The following ITGA9 variants were observed in gnomAD, a reference collection of about 807,000 sequenced individuals.
The protein encoded by ITGA9 is integrin alpha-9.
In ITGA9, 56 loss-of-function variants were observed where a neutral mutation model predicts 127.8. The observed-to-expected ratio is 0.44, with a 90% CI of 0.35 to 0.55. The LOEUF (loss-of-function observed/expected upper bound fraction) is 0.55, where lower values mean the gene tolerates loss of function less well. Among genes scored for constraint, ITGA9 ranks in the 20% least tolerant of loss-of-function variants. ITGA9 has a pLI of 0.00. For synonymous variants in ITGA9, 508 were observed against 514.5 expected, an observed-to-expected ratio of 0.99 and a Z score of 0.17; for missense variants, 1,196 against 1,347.1, an observed-to-expected ratio of 0.89 and a Z score of 1.76.
rs547574743 is a variant in ITGA9 at position 37,698,388 on chromosome 3, G to A, written c.2067+14373G>A. Among the ~76,000 whole-genome samples, 4 of 152,264 alleles carry A rather than the reference G, an allele frequency of 2.6e-5. No individual in the cohort carries two copies. The South Asian group carries it at 6.2e-4, about 24-fold the overall frequency. ...GGCTTTTGTTGCCATTGCTTTTGGTGTTTTAGACATGAAGTCCTTGCCTAT... is the reference window on the plus strand; with the variant it reads ...GGCTTTTGTTGCCATTGCTTTTGGTATTTTAGACATGAAGTCCTTGCCTAT... On this transcript the variant is annotated intron_variant, in intron 18 of 27. Coordinates refer to ENST00000264741, the MANE Select transcript of ITGA9 (RefSeq NM_002207.3).
At chr3:37,600,223 T>C (rs1039253796) in intron 15 of ITGA9, among the ~76,000 whole-genome samples, 16 of 152,326 alleles carry the variant, frequency 1.1e-4, no homozygotes, top group African/African-American at 3.1e-4. Flanking sequence ...GACTCTGTTC[T>C]AGGAGCCAGA....
intron 18 of ITGA9, among the ~76,000 whole-genome samples, chr3:37,719,301 A>G (rs1701166261): frequency 1.3e-5 from 2 of 152,146 alleles, no homozygotes; most frequent in Admixed American, 6.5e-5. Context: ...TGCCAACCCG[A>G]GGGAAGAGAT....
At chr3:37,523,443 C>A in intron 11 of ITGA9, 78 bp from the exon 12 acceptor site, 1 of 1,101,686 alleles carries the variant, frequency 9.1e-7, no homozygotes. Flanking sequence ...CCTAGGGAAG[C>A]TGGAATAAAG....
chr3:37,614,817 C>T (rs1403333438), intron 15 of ITGA9, among the ~76,000 whole-genome samples: 11 of 151,896 alleles, frequency 7.2e-5, no homozygotes, highest in Non-Finnish European at 1.0e-4. Flanking sequence ...ATTGATTTTG[C>T]ATCCTGAGAC....
At chr3:37,570,042 G>C (rs1699585471) in intron 15 of ITGA9, among the ~76,000 whole-genome samples, 1 of 152,264 alleles carries the variant, frequency 6.6e-6, no homozygotes, top group African/African-American at 2.4e-5. Context: ...TCACACAACT[G>C]TGAGAGCCCA....
intron 18 of ITGA9, among the ~76,000 whole-genome samples, chr3:37,705,360 T>C (rs7636734): frequency 0.58 from 87,490 of 152,034 alleles, 25,676 homozygotes; most frequent in African/African-American, 0.7. Flanking sequence ...AATCTTGTCA[T>C]AGGAGGATGG....
In ITGA9 at chr3:37,683,975, A is replaced by G. The variant is rs139900262; in HGVS notation, c.2027A>G (p.Asn676Ser). ...GCCTATGATGCCAACGTGTCCTTCAATGTTTCCCGGGAGCTCTTCTTCATC... is the reference window on the plus strand; with the variant it reads ...GCCTATGATGCCAACGTGTCCTTCAGTGTTTCCCGGGAGCTCTTCTTCATC... ...DDAYDANVSF[N>S]VSRELFFINM... The change falls in exon 18 of 28, where the codon AAT becomes AGT. Residue 676 changes from asparagine (N) to serine (S), a missense_variant. By Grantham distance (46) the Asn-to-Ser change is conservative. Coordinates refer to ENST00000264741, the MANE Select transcript of ITGA9 (RefSeq NM_002207.3). The G allele has an allele frequency of 8.2e-5, 133 of 1,613,982 alleles. No homozygotes were observed. Among genetic ancestry groups the G allele is most frequent in the African/African-American group, 4.9e-4 (37 of 75,012 alleles).
At chr3:37,513,736 C>T in intron 8 of ITGA9, 27 bp from the exon 9 acceptor site, 1 of 1,613,972 alleles carries the variant, frequency 6.2e-7, no homozygotes, top group Non-Finnish European at 8.5e-7. Flanking sequence ...ACACTGAATG[C>T]TTTGTTGCAA....
intron 18 of ITGA9, among the ~76,000 whole-genome samples, chr3:37,688,802 A>AGATG (rs946544604): frequency 1.9e-4 from 29 of 151,112 alleles, no homozygotes; most frequent in Non-Finnish European, 1.3e-4. Context: ...TCCACAGAAT[A>AGATG]GATGGATGGA....
At chr3:37,468,661 GGGAA>G (rs1415036305) in intron 1 of ITGA9, among the ~76,000 whole-genome samples, 6 of 152,198 alleles carry the variant, frequency 3.9e-5, no homozygotes, top group African/African-American at 1.4e-4. Flanking sequence ...TCAGGGCAGA[GGGAA>G]GGGAGCCTGG....
intron 5 of ITGA9, among the ~76,000 whole-genome samples, chr3:37,501,319 G>A (rs573970170): frequency 3.3e-5 from 5 of 152,182 alleles, no homozygotes; most frequent in Admixed American, 6.5e-5. Context: ...TGGGAGCTTC[G>A]TCTTAATGCT....
chr3:37,662,237 A>T (rs1700543153), intron 17 of ITGA9, among the ~76,000 whole-genome samples: 1 of 152,046 alleles, frequency 6.6e-6, no homozygotes, highest in South Asian at 2.1e-4. Context: ...CTCCGTCTCT[A>T]AAAAAACATA....
chr3:37,512,027 T>TCTTC (rs1559524533), intron 8 of ITGA9, among the ~76,000 whole-genome samples: 4 of 33,642 alleles, frequency 1.2e-4, no homozygotes, highest in Admixed American at 4.4e-4. Flanking sequence ...TCTTTTCTTT[T>TCTTC]CTTTCTTTCT....
chr3:37,470,968 T>C (rs1215311136), intron 1 of ITGA9, 39 bp from the exon 2 acceptor site: 1 of 1,613,184 alleles, frequency 6.2e-7, no homozygotes, highest in Non-Finnish European at 8.5e-7. Context: ...TATTTTCTTA[T>C]CGTAGGTTGT....
intron 26 of ITGA9, among the ~76,000 whole-genome samples, chr3:37,802,720 T>C (rs1386508661): frequency 6.6e-6 from 1 of 152,140 alleles, no homozygotes; most frequent in African/African-American, 2.4e-5. Flanking sequence ...CTGATACATG[T>C]TTAACAATCA....
At chr3:37,523,481 G>A (rs1699064132) in intron 11 of ITGA9, 40 bp from the exon 12 acceptor site, 1 of 1,466,244 alleles carries the variant, frequency 6.8e-7, no homozygotes, top group African/African-American at 1.4e-5. Context: ...TGTGACTGTG[G>A]TCTTTTCCTG....
At chr3:37,703,801 C>T (rs1700973986) in intron 18 of ITGA9, among the ~76,000 whole-genome samples, 1 of 152,192 alleles carries the variant, frequency 6.6e-6, no homozygotes, top group Non-Finnish European at 1.5e-5. Flanking sequence ...ACGTGTTTAA[C>T]CCTCACAGCA....
At chr3:37,728,084 C>T (rs1320449252) in intron 18 of ITGA9, among the ~76,000 whole-genome samples, 5 of 152,214 alleles carry the variant, frequency 3.3e-5, no homozygotes, top group Non-Finnish European at 7.3e-5. Context: ...CACTGGTCCG[C>T]GTTCCCAGTC....
chr3:37,682,893 C>T (rs1700747136), intron 17 of ITGA9, among the ~76,000 whole-genome samples: 1 of 152,220 alleles, frequency 6.6e-6, no homozygotes, highest in African/African-American at 2.4e-5. Flanking sequence ...TCACGTTCAT[C>T]TTCTCACACC....
Sources: gnomAD v4.1 joint callset for allele counts (sites outside exome capture counted in the v4.1 genomes callset) on GRCh38, gnomAD v4.1.1 for gene constraint, MANE v1.5 for transcripts, NCBI Gene and HGNC (gene_info 2026-07-23, HGNC 2026-07-21) for gene names.